Variants in FREM2 observed in about 807,000 individuals in gnomAD.
FREM2 encodes the protein FRAS1-related extracellular matrix protein 2.
FREM2 carries 119 observed loss-of-function variants against 219.9 expected under a neutral mutation model. The observed-to-expected ratio is 0.54, with a 90% CI of 0.47 to 0.63. The LOEUF is 0.63. Ranked by LOEUF, FREM2 falls within the 30% of genes least tolerant of loss-of-function variation. The pLI is 0.00. For synonymous variants in FREM2, 1,562 were observed against 1,522.8 expected, an observed-to-expected ratio of 1.03 and a Z score of -0.60; for missense variants, 4,030 against 3,993.6, an observed-to-expected ratio of 1.01 and a Z score of -0.25.
intron 6 of FREM2, among the ~76,000 whole-genome samples, chr13:38,811,303 AT>A (rs1229575411): frequency 6.6e-6 from 1 of 151,728 alleles, no homozygotes; most frequent in African/African-American, 2.4e-5. Flanking sequence ...TTTCAAATTC[AT>A]TTATTTCTGC....
At chr13:38,866,551 C>G (rs960466801) in intron 16 of FREM2, among the ~76,000 whole-genome samples, 1 of 151,650 alleles carries the variant, frequency 6.6e-6, no homozygotes, top group Non-Finnish European at 1.5e-5. Flanking sequence ...GCCTGTAATC[C>G]CAGCTACTCA....
chr13:38,804,640 G>C (rs1171135161), intron 6 of FREM2, among the ~76,000 whole-genome samples: 1 of 152,166 alleles, frequency 6.6e-6, no homozygotes, highest in African/African-American at 2.4e-5. Flanking sequence ...AGAGAGCAGA[G>C]TGTGATTAAA....
At chr13:38,783,875 T>A (rs1874220035) in intron 5 of FREM2, among the ~76,000 whole-genome samples, 1 of 152,120 alleles carries the variant, frequency 6.6e-6, no homozygotes, top group African/African-American at 2.4e-5. Context: ...GGCGGGTGGA[T>A]CACGAGATCA....
chr13:38,723,589 TA>T (rs1871387070), intron 2 of FREM2, among the ~76,000 whole-genome samples: 1 of 152,192 alleles, frequency 6.6e-6, no homozygotes, highest in Non-Finnish European at 1.5e-5. Context: ...ATTGTCTCCA[TA>T]AAAGAACTCC....
chr13:38,697,865 G>C (rs1870181813), intron 2 of FREM2, 78 bp downstream of exon 2: 1 of 818,370 alleles, frequency 1.2e-6, no homozygotes, highest in African/African-American at 1.7e-5. Flanking sequence ...ATTATTACAA[G>C]AAGTCTTCAT....
chr13:38,798,068 GC>G lies in FREM2; in HGVS notation c.6019+13261del, dbSNP rs561441361. Among the ~76,000 whole-genome samples the G allele has an allele frequency of 6.6e-5, 10 of 152,120 alleles. No homozygotes were observed. The East Asian group carries it at 1.9e-3, about 29-fold the overall frequency. On this transcript the variant is annotated intron_variant, in intron 6 of 23. Coordinates refer to ENST00000280481, the MANE Select transcript of FREM2 (RefSeq NM_207361.6). ...TCTTGATCTATACCTTAGAGGAAAGGCTTTCAGCTTTTTCCTGTTGAACATG... is the reference window on the plus strand; with the variant it reads ...TCTTGATCTATACCTTAGAGGAAAGGTTTCAGCTTTTTCCTGTTGAACATG...
chr13:38,730,423 C>T (rs1871717380), intron 2 of FREM2, among the ~76,000 whole-genome samples: 1 of 152,190 alleles, frequency 6.6e-6, no homozygotes, highest in Non-Finnish European at 1.5e-5. Flanking sequence ...GCGAACATGG[C>T]ACCATGGCAG....
Position 38,779,207 on chromosome 13 carries a change from A to T in FREM2, c.5642-3863A>T, listed in dbSNP as rs376576200. ...ACACAGGGACACAGGGAGGGGAACA[A>T]CACACACTGGGGCTTGTCGGGGGGT... On this transcript the variant is annotated intron_variant, in intron 4 of 23. Coordinates refer to ENST00000280481, the MANE Select transcript of FREM2 (RefSeq NM_207361.6). 2.4e-3 allele frequency among the ~76,000 whole-genome samples: 367 copies of T among 151,852 alleles called. 1 individual carries two copies. The highest frequency in any genetic ancestry group is 2.7e-3 in the African/African-American group (113 of 41,412).
intron 6 of FREM2, among the ~76,000 whole-genome samples, chr13:38,793,568 AT>A (rs1253131314): frequency 6.4e-4 from 98 of 152,348 alleles, no homozygotes; most frequent in African/African-American, 2.2e-3. Flanking sequence ...CTGTGGCCAT[AT>A]AAAAGAGTTG....
In FREM2 at chr13:38,719,468, A is replaced by T. The variant is rs561015247; in HGVS notation, c.5263+21681A>T. Among the ~76,000 whole-genome samples, 53 of 152,134 alleles carry T rather than the reference A, an allele frequency of 3.5e-4. 1 individual carries two copies. The highest frequency in any genetic ancestry group is 5.6e-4 in the Non-Finnish European group (38 of 68,002). ...ACCCCTGACCTTAGGTGATCCGCCC[A>T]CCTTGGCCTCCCAAAGTGCTGGGAT... On this transcript the variant is annotated intron_variant, in intron 2 of 23. Coordinates refer to ENST00000280481, the MANE Select transcript of FREM2 (RefSeq NM_207361.6).
Position 38,757,187 on chromosome 13 carries a change from TTATATACCCACATTATA to T in FREM2, c.5264-7114_5264-7098del, listed in dbSNP as rs1873045377. Among the ~76,000 whole-genome samples the T allele has an allele frequency of 2.6e-5, 4 of 152,168 alleles. No homozygotes were observed. In the South Asian group the frequency reaches 8.3e-4, roughly 32 times the overall value. Reference sequence around the variant, plus strand: ...TTGGAAACTTGTGTACAAATACCCATTATATACCCACATTATATACCTGGGATGGGTATATATGTAAC... The same window carrying T: ...TTGGAAACTTGTGTACAAATACCCATTACCTGGGATGGGTATATATGTAAC... On this transcript the variant is annotated intron_variant, in intron 2 of 23. Coordinates refer to ENST00000280481, the MANE Select transcript of FREM2 (RefSeq NM_207361.6).
chr13:38,875,709 A>G (rs1417598691), intron 18 of FREM2, among the ~76,000 whole-genome samples: 1 of 152,212 alleles, frequency 6.6e-6, no homozygotes, highest in Non-Finnish European at 1.5e-5. Context: ...CTCCCCAGAA[A>G]GTAGCTCTGA....
intron 6 of FREM2, among the ~76,000 whole-genome samples, chr13:38,816,811 A>G (rs1218167577): frequency 6.6e-6 from 1 of 152,156 alleles, no homozygotes; most frequent in Non-Finnish European, 1.5e-5. Flanking sequence ...ACATGATCTT[A>G]TATATAGAAA....
intron 2 of FREM2, among the ~76,000 whole-genome samples, chr13:38,705,754 T>G (rs1239561194): frequency 6.6e-6 from 1 of 152,214 alleles, no homozygotes; most frequent in Non-Finnish European, 1.5e-5. Flanking sequence ...CTGCTGTAGC[T>G]GCTACTCTGA....
At chr13:38,777,782 A>C (rs1873933831) in intron 4 of FREM2, among the ~76,000 whole-genome samples, 1 of 152,180 alleles carries the variant, frequency 6.6e-6, no homozygotes, top group Non-Finnish European at 1.5e-5. Context: ...CTATCAGGGA[A>C]GCCTTTCTTT....
intron 20 of FREM2, 141 bp downstream of exon 20, chr13:38,876,523 A>T: frequency 1.3e-6 from 1 of 750,696 alleles, no homozygotes. Flanking sequence ...CAGTTAAGGA[A>T]GCTAGGGATA....
rs1208961388 is a variant in FREM2, at chr13:38,690,002, A to T, written c.2658A>T (p.Val886=). 1 of 1,614,040 alleles carries T rather than the reference A, an allele frequency of 6.2e-7. No homozygotes were observed. Among genetic ancestry groups the T allele is most frequent in the South Asian group, 1.1e-5 (1 of 91,076 alleles). The change falls in exon 1 of 24, where the codon GTA becomes GTT. Residue 886 remains valine (V), a synonymous_variant. Transcript: ENST00000280481. ...GAGTGTCTGGACAGATCCTGCATGT[A>T]GGGGGTCTCTTCCACTTGGAGGACA... ...HMRVSGQILH[V]GGLFHLEDIK... is the part of the protein sequence containing the mutation.
intron 11 of FREM2, among the ~76,000 whole-genome samples, chr13:38,853,201 G>A (rs140546558): frequency 0.033 from 4,968 of 150,598 alleles, 126 homozygotes; most frequent in Middle Eastern, 0.076. Context: ...GGTGGCACAC[G>A]CCTGTAATCC....
At chr13:38,792,042 A>G (rs527280238) in intron 6 of FREM2, among the ~76,000 whole-genome samples, 21 of 152,282 alleles carry the variant, frequency 1.4e-4, no homozygotes, top group Non-Finnish European at 2.9e-4. Context: ...AAAGATAACC[A>G]TGAAAACAAA....
Sources: allele counts gnomAD v4.1 joint callset (sites outside exome capture counted in the v4.1 genomes callset), GRCh38; gene constraint gnomAD v4.1.1; transcripts MANE v1.5; gene names NCBI Gene and HGNC (gene_info 2026-07-23, HGNC 2026-07-21).